OSBPL10: variants seen among roughly 807,000 people sequenced by gnomAD.
The protein encoded by OSBPL10 is oxysterol-binding protein-related protein 10.
Under a neutral mutation model 81.7 loss-of-function variants are expected in OSBPL10, and 49 were observed. The observed-to-expected ratio is 0.60, with a 90% CI of 0.48 to 0.76. The LOEUF is 0.76. OSBPL10 is among the 30% of genes least tolerant of loss of function. The probability of loss-of-function intolerance (pLI) is 0.00; values close to 1 mark genes in which losing one functional copy is unlikely to be tolerated. For missense variants in OSBPL10, 923 were observed against 987.8 expected, an observed-to-expected ratio of 0.93 and a Z score of 0.88; for synonymous variants, 419 against 383.6, an observed-to-expected ratio of 1.09 and a Z score of -1.08.
chr3:31,695,733 C>G (rs1335360083), intron 7 of OSBPL10, among the ~76,000 whole-genome samples: 1 of 152,200 alleles, frequency 6.6e-6, no homozygotes, highest in African/African-American at 2.4e-5. Context: ...GTGTGACAAT[C>G]CTCCTACCTG....
At chr3:31,693,281 A>G (rs1409855818) in intron 7 of OSBPL10, among the ~76,000 whole-genome samples, 2 of 152,210 alleles carry the variant, frequency 1.3e-5, no homozygotes, top group African/African-American at 4.8e-5. Context: ...CAAGCACAGC[A>G]ATGTTAATCT....
At chr3:31,784,870 AACTTTTTTGGGGGGGCGGGGGGGTGG>A (rs1167943279) in intron 4 of OSBPL10, among the ~76,000 whole-genome samples, 2 of 93,378 alleles carry the variant, frequency 2.1e-5, no homozygotes, top group Non-Finnish European at 3.9e-5. Flanking sequence ...GACTTAATAT[AACTTTTTTGGGGGGGCGGGGGGGTGG>A]GGATACAGGA....
chr3:31,842,750 T>C (rs768646058), intron 3 of OSBPL10, among the ~76,000 whole-genome samples: 12 of 152,234 alleles, frequency 7.9e-5, no homozygotes, highest in Non-Finnish European at 1.3e-4. Context: ...ATTGGATTCC[T>C]ACAGCTTTAA....
At position 31,947,872 on chromosome 3, in the gene OSBPL10, T is replaced by C. The variant is rs572407647; in HGVS notation, c.281+33027A>G. 2.6e-5 allele frequency among the ~76,000 whole-genome samples: 4 copies of C among 152,298 alleles called. No individual in the cohort carries two copies. In the East Asian group the frequency reaches 7.7e-4, roughly 29 times the overall value. On this transcript the variant is annotated intron_variant, in intron 1 of 11. Coordinates refer to ENST00000396556, the MANE Select transcript of OSBPL10 (RefSeq NM_017784.5). ...CTGGAAGAAGGTGAGGGAAACTGCA[T>C]AGGAGTTGAGATAAGCCCAGCCTCC...
At chr3:31,708,622 T>C (rs1696148485) in intron 6 of OSBPL10, 1 of 709,514 alleles carries the variant, frequency 1.4e-6, no homozygotes, top group African/African-American at 1.9e-5. Context: ...AGGCATTCAC[T>C]ACTACATGCT....
chr3:31,989,694 T>C (rs749136931), intron 2 of OSBPL10: 7 of 1,613,960 alleles, frequency 4.3e-6, no homozygotes, highest in Non-Finnish European at 5.9e-6. Flanking sequence ...ATATTTCTAA[T>C]AACTATGAAA....
intron 1 of OSBPL10, among the ~76,000 whole-genome samples, chr3:31,926,209 A>T (rs571326200): frequency 7.3e-4 from 111 of 152,084 alleles, no homozygotes; most frequent in African/African-American, 2.5e-3. Flanking sequence ...ATTTTCTTAT[A>T]ATAACATAAA....
intron 6 of OSBPL10, chr3:31,711,198 T>C (rs935454774): frequency 6.6e-6 from 1 of 152,230 alleles, no homozygotes; most frequent in South Asian, 2.1e-4. Flanking sequence ...CTTAGCAAAG[T>C]GGATTTATGC....
At position 32,060,015 on chromosome 3, in the gene OSBPL10, T is replaced by C. The variant is rs528914414; in HGVS notation, n.186-13412A>G. Among the ~76,000 whole-genome samples the C allele has an allele frequency of 5.3e-5, 8 of 152,190 alleles. No homozygotes were observed. In the South Asian group the frequency reaches 1.7e-3, roughly 32 times the overall value. ...ATGAGGGGGCTTTTGGGAGCACTGG[T>C]AATGTTCTGTGATCTGGTTGGTGGT... On this transcript the variant is annotated intron_variant and non_coding_transcript_variant, in intron 1 of 3. Transcript: ENST00000479173.
intron 4 of OSBPL10, among the ~76,000 whole-genome samples, chr3:31,787,594 CAA>C (rs34814978): frequency 1.1e-3 from 145 of 126,094 alleles, no homozygotes; most frequent in Middle Eastern, 3.9e-3. Context: ...GACTCCGCCT[CAA>C]AAAAAAAAAA....
At chr3:31,687,798 G>A (rs1486218514) in intron 7 of OSBPL10, among the ~76,000 whole-genome samples, 6 of 152,100 alleles carry the variant, frequency 3.9e-5, no homozygotes, top group African/African-American at 1.4e-4. Context: ...GAAGAGCCAG[G>A]TATGGTGCCT....
chr3:31,913,228 G>GTT (rs531903509), intron 1 of OSBPL10, among the ~76,000 whole-genome samples: 3 of 140,130 alleles, frequency 2.1e-5, no homozygotes, highest in Non-Finnish European at 1.6e-5. Context: ...GAAGTACTAG[G>GTT]TTTTTTTTTT....
At chr3:31,674,833 A>T (rs9842598) in intron 8 of OSBPL10, among the ~76,000 whole-genome samples, 1 of 151,996 alleles carries the variant, frequency 6.6e-6, no homozygotes, top group African/African-American at 2.4e-5. Context: ...TTATAGCAAC[A>T]CAAATGGACT....
intron 3 of OSBPL10, among the ~76,000 whole-genome samples, chr3:31,841,183 A>G (rs1027856694): frequency 6.6e-6 from 1 of 152,254 alleles, no homozygotes; most frequent in African/African-American, 2.4e-5. Flanking sequence ...TTGGGATTAT[A>G]GGCATGAGCC....
At chr3:31,663,101 C>T (rs1700106862) in intron 11 of OSBPL10, 1 of 985,318 alleles carries the variant, frequency 1.0e-6, no homozygotes, top group South Asian at 4.7e-5. Flanking sequence ...TGCCCTAACT[C>T]ACTTCTCAGC....
intron 1 of OSBPL10, among the ~76,000 whole-genome samples, chr3:31,937,286 A>G (rs1697402587): frequency 6.6e-6 from 1 of 152,030 alleles, no homozygotes; most frequent in African/African-American, 2.4e-5. Context: ...CTCAAAAAAA[A>G]AAAAAAAGAA....
intron 8 of OSBPL10, among the ~76,000 whole-genome samples, chr3:31,673,335 G>A (rs1700374369): frequency 6.6e-6 from 1 of 152,202 alleles, no homozygotes; most frequent in African/African-American, 2.4e-5. Context: ...GGGTTGAGAA[G>A]ACAGCCTAAA....
At chr3:31,761,813 TAAAA>T (rs34579457) in intron 4 of OSBPL10, among the ~76,000 whole-genome samples, 4 of 107,554 alleles carry the variant, frequency 3.7e-5, no homozygotes, top group East Asian at 2.2e-4. Context: ...AGACTGTCTC[TAAAA>T]AAAAAAAAAA....
chr3:31,958,742 A>C (rs374715798), intron 1 of OSBPL10, among the ~76,000 whole-genome samples: 3 of 150,236 alleles, frequency 2.0e-5, no homozygotes, highest in African/African-American at 7.6e-5. Flanking sequence ...AAAGCCTCTA[A>C]ACTAGAGAAC....
Sources: allele counts gnomAD v4.1 joint callset (sites outside exome capture counted in the v4.1 genomes callset), GRCh38; gene constraint gnomAD v4.1.1; transcripts MANE v1.5; gene names NCBI Gene and HGNC (gene_info 2026-07-23, HGNC 2026-07-21).